The following IQSEC3 variants were observed in gnomAD, a reference collection of about 807,000 sequenced individuals.
The protein encoded by IQSEC3 is IQ motif and Sec7 domain ArfGEF 3.
In IQSEC3, 50 loss-of-function variants were observed where a neutral mutation model predicts 105.4. The ratio of observed to expected loss-of-function variants is 0.47; its 90% CI spans 0.38 to 0.60. The LOEUF (loss-of-function observed/expected upper bound fraction) is 0.60, where lower values mean the gene tolerates loss of function less well. IQSEC3 is among the 20% of genes least tolerant of loss of function. The pLI is 0.00. For missense variants in IQSEC3, 1,415 were observed against 1,630.0 expected (o/e 0.87, Z 2.27); for synonymous variants, 708 against 746.0 (o/e 0.95, Z 0.83).
intron 2 of IQSEC3, among the ~76,000 whole-genome samples, chr12:125,242 G>A (rs1865348097): frequency 1.3e-5 from 2 of 152,226 alleles, no homozygotes; most frequent in South Asian, 2.1e-4. Context: ...ATCCCTGTGA[G>A]GTAGGTACTG....
intron 2 of IQSEC3, among the ~76,000 whole-genome samples, chr12:118,512 A>G (rs1865119912): frequency 6.6e-6 from 1 of 152,094 alleles, no homozygotes; most frequent in African/African-American, 2.4e-5. Context: ...TGGCTGGCAG[A>G]GTCTGGGATA....
In IQSEC3 at chr12:178,447, G is replaced by A. The variant is rs1045131451; in HGVS notation, c.*3414G>A. ...AGTTTTAGAGATTATATTGAAAGAT[G>A]TCACTTGAGCAAACTGTGTCGGCGC... On this transcript the variant is annotated 3_prime_UTR_variant, in exon 14 of 14. Coordinates refer to ENST00000538872, the MANE Select transcript of IQSEC3 (RefSeq NM_001170738.2). 5.3e-5 allele frequency: 8 copies of A among 152,334 alleles called. No homozygotes were observed. The highest frequency in any genetic ancestry group is 1.9e-4 in the African/African-American group (8 of 41,586). The allele number at this position is 152,334 out of a possible 1,614,324, so 9.4% of individuals were successfully genotyped here.
At chr12:167,297 G>A (rs1444865702) in intron 11 of IQSEC3, 1 of 152,218 alleles carries the variant, frequency 6.6e-6, no homozygotes, top group African/African-American at 2.4e-5. Context: ...CTGCCCTGGG[G>A]GGCCGTAGCA....
At chr12:78,511 A>AT (rs1161979011) in intron 1 of IQSEC3, among the ~76,000 whole-genome samples, 4 of 151,246 alleles carry the variant, frequency 2.6e-5, no homozygotes, top group Non-Finnish European at 5.9e-5. Flanking sequence ...TCAGCAAAAA[A>AT]AAAAAATAAA....
chr12:93,669 G>A (rs1276566936), intron 1 of IQSEC3, among the ~76,000 whole-genome samples: 1 of 152,202 alleles, frequency 6.6e-6, no homozygotes, highest in Non-Finnish European at 1.5e-5. Flanking sequence ...TGATGTGAAT[G>A]TTTTCTGCTA....
chr12:69,339 C>T (rs1190628196), intron 1 of IQSEC3, among the ~76,000 whole-genome samples: 1 of 152,284 alleles, frequency 6.6e-6, no homozygotes, highest in Non-Finnish European at 1.5e-5. Context: ...TCAGTTGGTC[C>T]TGCTCGGAAT....
Position 171,985 on chromosome 12 carries a change from C to T in IQSEC3, c.3114+824C>T, listed in dbSNP as rs143880616. Among the ~76,000 whole-genome samples the T allele has an allele frequency of 4.9e-4, 75 of 152,188 alleles. No individual in the cohort carries two copies. In the East Asian group the frequency reaches 0.01, roughly 21 times the overall value. ...AGGTGCCCCTACAAGCCTCGTGAGC[C>T]CCACCCCTCTCCCACTGGGTCCTCT... On this transcript the variant is annotated intron_variant, in intron 13 of 13. Coordinates refer to ENST00000538872, the MANE Select transcript of IQSEC3 (RefSeq NM_001170738.2).
At chr12:127,591 T>C (rs1299543105) in intron 3 of IQSEC3, among the ~76,000 whole-genome samples, 2 of 149,990 alleles carry the variant, frequency 1.3e-5, no homozygotes, top group African/African-American at 4.9e-5. Flanking sequence ...AAAAGTCGGA[T>C]GAAATGTGGA....
At chr12:149,535 T>C (rs958272261) in intron 5 of IQSEC3, among the ~76,000 whole-genome samples, 6 of 152,270 alleles carry the variant, frequency 3.9e-5, no homozygotes, top group Non-Finnish European at 8.8e-5. Context: ...TTCCTGGTCA[T>C]CTCTCACTCA....
chr12:154,875 C>G (rs1206311718), intron 5 of IQSEC3, among the ~76,000 whole-genome samples: 1 of 151,992 alleles, frequency 6.6e-6, no homozygotes, highest in African/African-American at 2.4e-5. Flanking sequence ...CTCCCTTTCT[C>G]TCCTTGCTCT....
rs531770946 is a variant in IQSEC3, at chr12:76,862, C to A, written c.554+9426C>A. 1.5e-4 allele frequency among the ~76,000 whole-genome samples: 23 copies of A among 152,368 alleles called. No homozygotes were observed. The East Asian group carries it at 2.1e-3, about 14-fold the overall frequency. On this transcript the variant is annotated intron_variant, in intron 1 of 13. Coordinates refer to ENST00000538872, the MANE Select transcript of IQSEC3 (RefSeq NM_001170738.2). ...CCTAGCTGTGGCCAGGGCCTGGTAC[C>A]AATGACCTCTCAGGGCTTTGGATGC...
chr12:92,025 A>G (rs1455462574), intron 1 of IQSEC3, among the ~76,000 whole-genome samples: 8 of 152,150 alleles, frequency 5.3e-5, no homozygotes, highest in African/African-American at 1.9e-4. Context: ...CAGCACGACT[A>G]GGGATCCCCA....
intron 2 of IQSEC3, among the ~76,000 whole-genome samples, chr12:107,642 C>A (rs1381359313): frequency 1.3e-5 from 2 of 151,952 alleles, no homozygotes; most frequent in African/African-American, 2.4e-5. Flanking sequence ...GATCTCCTGA[C>A]CTCGTGATCC....
intron 2 of IQSEC3, among the ~76,000 whole-genome samples, chr12:107,563 CCG>C (rs1864709261): frequency 1.3e-5 from 2 of 151,916 alleles, no homozygotes; most frequent in Admixed American, 6.6e-5. Context: ...GTGCCCGCCA[CCG>C]TGCCCGGCTA....
At chr12:76,133 AG>A (rs1555069026) in intron 1 of IQSEC3, among the ~76,000 whole-genome samples, 21 of 145,294 alleles carry the variant, frequency 1.4e-4, no homozygotes, top group Admixed American at 1.4e-3. Flanking sequence ...CACACACACA[AG>A]GCCTCAGCAG....
intron 5 of IQSEC3, among the ~76,000 whole-genome samples, chr12:154,788 T>C (rs2368783): frequency 0.75 from 113,613 of 152,020 alleles, 42,621 homozygotes; most frequent in Middle Eastern, 0.82. Context: ...CTCTGTTTTT[T>C]GCTTGTTCTT....
intron 2 of IQSEC3, among the ~76,000 whole-genome samples, chr12:122,068 C>T (rs1010715885): frequency 6.6e-6 from 1 of 152,174 alleles, no homozygotes; most frequent in Non-Finnish European, 1.5e-5. Flanking sequence ...ACACGGTCTT[C>T]TAGGTAAGTC....
intron 2 of IQSEC3, among the ~76,000 whole-genome samples, chr12:113,634 C>A (rs1020738898): frequency 4.6e-5 from 7 of 152,124 alleles, no homozygotes; most frequent in African/African-American, 1.7e-4. Context: ...CCTCAGGAAT[C>A]GAGGGAACTG....
intron 1 of IQSEC3, among the ~76,000 whole-genome samples, chr12:88,851 G>C (rs547764767): frequency 5.3e-5 from 8 of 152,336 alleles, no homozygotes; most frequent in Non-Finnish European, 7.3e-5. Flanking sequence ...CTGTTTGAAA[G>C]AGAATTGTGG....
Sources: allele counts gnomAD v4.1 joint callset (sites outside exome capture counted in the v4.1 genomes callset), GRCh38; gene constraint gnomAD v4.1.1; transcripts MANE v1.5; gene names NCBI Gene and HGNC (gene_info 2026-07-23, HGNC 2026-07-21).